KLHDC4: variants seen among roughly 807,000 people sequenced by gnomAD.
The protein encoded by KLHDC4 is kelch domain-containing protein 4.
A neutral mutation model predicts 62.4 loss-of-function variants in KLHDC4; 90 were observed. The ratio of observed to expected loss-of-function variants is 1.44; its 90% confidence interval spans 1.22 to 1.72. KLHDC4 has a LOEUF of 1.72. Ranked by LOEUF, KLHDC4 falls within the 40% of genes most tolerant of loss-of-function variation. KLHDC4 has a pLI of 0.00. For missense variants in KLHDC4, 1,025 were observed against 699.7 expected (o/e 1.47, Z -5.25); for synonymous variants, 386 against 284.4 (o/e 1.36, Z -3.59).
Position 87,709,549 on chromosome 16 carries a change from AC to A in KLHDC4, c.1162del (p.Val388TrpfsTer52). The A allele has an allele frequency of 6.2e-7, 1 of 1,612,310 alleles. No homozygotes were observed. The highest frequency in any genetic ancestry group is 8.5e-7 in the Non-Finnish European group (1 of 1,179,876). On this transcript the variant is annotated frameshift_variant, in exon 10 of 12. Transcript: ENST00000270583. LOFTEE classifies it high-confidence loss of function. ...GACCACGGTGCCATCCTCGGCCACC[AC>A]CTCCTTGACCAGCTGCACAGGCCCC... ...TQGPVQLVKE[V>X]VAEDGTVVTI...
chr16:87,742,412 G>A (rs188304938), intron 5 of KLHDC4, among the ~76,000 whole-genome samples: 5 of 152,120 alleles, frequency 3.3e-5, no homozygotes, highest in African/African-American at 1.2e-4. Flanking sequence ...TCATTATTAA[G>A]GATCTAAGAG....
chr16:87,725,435 G>C (rs2039186368), intron 7 of KLHDC4, among the ~76,000 whole-genome samples: 2 of 152,186 alleles, frequency 1.3e-5, no homozygotes, highest in African/African-American at 4.8e-5. Flanking sequence ...AAAGTGCTGG[G>C]ATTACAGGCG....
At chr16:87,719,763 A>G (rs1400881565) in intron 7 of KLHDC4, among the ~76,000 whole-genome samples, 2 of 152,220 alleles carry the variant, frequency 1.3e-5, no homozygotes, top group East Asian at 1.9e-4. Flanking sequence ...ATTCTAATAC[A>G]TTATTGCTGG....
At chr16:87,714,336 T>TGGGGCCCC in intron 8 of KLHDC4, 162 bp downstream of exon 8, 2 of 140,734 alleles carry the variant, frequency 1.4e-5, no homozygotes, top group Non-Finnish European at 3.1e-5. Context: ...ATGGAGCCTG[T>TGGGGCCCC]CCCACCCGGC....
intron 7 of KLHDC4, among the ~76,000 whole-genome samples, chr16:87,716,041 C>A (rs1356594022): frequency 6.6e-6 from 1 of 152,144 alleles, no homozygotes; most frequent in Non-Finnish European, 1.5e-5. Flanking sequence ...TGGGTAGGCT[C>A]TATGTCTCGT....
At chr16:87,744,803 T>G (rs2042784576) in intron 5 of KLHDC4, among the ~76,000 whole-genome samples, 3 of 152,218 alleles carry the variant, frequency 2.0e-5, no homozygotes, top group Admixed American at 1.3e-4. Flanking sequence ...CCTTCTCCTG[T>G]GCACGTACAG....
chr16:87,742,960 A>G (rs986328255), intron 5 of KLHDC4: 1 of 152,328 alleles, frequency 6.6e-6, no homozygotes, highest in African/African-American at 2.4e-5. Context: ...CACGGAGAAC[A>G]CTTGAGGAAA....
At chr16:87,737,593 T>TC (rs1458932012) in intron 5 of KLHDC4, among the ~76,000 whole-genome samples, 1 of 106,650 alleles carries the variant, frequency 9.4e-6, no homozygotes, top group East Asian at 3.7e-4. Flanking sequence ...AATCAGTCTT[T>TC]TTTTTTTTTT....
At chr16:87,720,617 G>A (rs948902861) in intron 7 of KLHDC4, among the ~76,000 whole-genome samples, 1 of 152,244 alleles carries the variant, frequency 6.6e-6, no homozygotes, top group Non-Finnish European at 1.5e-5. Context: ...TTGGGAGAGA[G>A]GGACCCATGA....
chr16:87,732,310 G>A lies in KLHDC4; in HGVS notation c.507-1666C>T, dbSNP rs2040526009. Among the ~76,000 whole-genome samples the A allele has an allele frequency of 4.6e-5, 7 of 152,076 alleles. 1 individual carries two copies. The South Asian group carries it at 1.5e-3, about 32-fold the overall frequency. On this transcript the variant is annotated intron_variant, in intron 5 of 11. Transcript: ENST00000270583. Reference sequence around the variant, plus strand: ...GGGGTTTCATCATATTGGTCAGGCTGGTCTCGAACTCCTGACCTCAGGTGA... The same window carrying A: ...GGGGTTTCATCATATTGGTCAGGCTAGTCTCGAACTCCTGACCTCAGGTGA...
At chr16:87,698,852 G>GT (rs1049437069) in exon 1 of KLHDC4, 1 of 152,278 alleles carries the variant, frequency 6.6e-6, no homozygotes, top group African/African-American at 2.4e-5. Context: ...AGGACAGCAT[G>GT]TGCCCGGCTG....
At chr16:87,733,293 A>C (rs1307709750) in intron 5 of KLHDC4, among the ~76,000 whole-genome samples, 1 of 152,212 alleles carries the variant, frequency 6.6e-6, no homozygotes, top group Admixed American at 6.5e-5. Flanking sequence ...GACTTTCACA[A>C]CCAGAGAGAG....
chr16:87,749,757 T>G (rs1349106171), intron 4 of KLHDC4, among the ~76,000 whole-genome samples: 1 of 152,010 alleles, frequency 6.6e-6, no homozygotes, highest in Non-Finnish European at 1.5e-5. Context: ...CTGTTTAATT[T>G]TTTGCAGCAA....
chr16:87,704,871 C>T (rs929992687), downstream of KLHDC4, among the ~76,000 whole-genome samples: 8 of 152,190 alleles, frequency 5.3e-5, no homozygotes, highest in Non-Finnish European at 8.8e-5. Flanking sequence ...AAAAAGCCAC[C>T]GCTCATGGCC....
chr16:87,704,119 T>G (rs946474381), downstream of KLHDC4, among the ~76,000 whole-genome samples: 11 of 152,216 alleles, frequency 7.2e-5, no homozygotes, highest in Admixed American at 5.2e-4. Context: ...GAAGGCTGAC[T>G]CTTCTCTGAT....
intron 2 of KLHDC4, 35 bp downstream of exon 2, chr16:87,761,914 G>A (rs770800283): frequency 2.1e-5 from 33 of 1,600,204 alleles, no homozygotes; most frequent in Middle Eastern, 1.7e-4. Flanking sequence ...TAGAAGAAAA[G>A]GAAACATACA....
chr16:87,725,718 A>G (rs1157208031), intron 7 of KLHDC4, among the ~76,000 whole-genome samples: 1 of 152,204 alleles, frequency 6.6e-6, no homozygotes, highest in Admixed American at 6.5e-5. Context: ...TCTGTGAAGC[A>G]CACGCCCCAC....
chr16:87,748,562 C>A (rs561156510), intron 5 of KLHDC4, 111 bp downstream of exon 5: 149 of 1,397,060 alleles, frequency 1.1e-4, no homozygotes, highest in Non-Finnish European at 1.2e-4. Flanking sequence ...AGGACTGTGA[C>A]CCAAGTTCCT....
intron 7 of KLHDC4, among the ~76,000 whole-genome samples, chr16:87,726,134 T>C (rs1377646971): frequency 6.6e-6 from 1 of 152,010 alleles, no homozygotes; most frequent in Non-Finnish European, 1.5e-5. Flanking sequence ...TCAATGTTCA[T>C]GAAACTGAAG....
Sources: gnomAD v4.1 joint callset for allele counts (sites outside exome capture counted in the v4.1 genomes callset) on GRCh38, gnomAD v4.1.1 for gene constraint, MANE v1.5 for transcripts, NCBI Gene and HGNC (gene_info 2026-07-23, HGNC 2026-07-21) for gene names.